SLC14A2: variants seen among roughly 807,000 people sequenced by gnomAD.
SLC14A2 encodes the protein solute carrier family 14 member 2, also known as urea transporter 2.
SLC14A2 carries 91 observed loss-of-function variants against 104.6 expected under a neutral mutation model. The ratio of observed to expected loss-of-function variants is 0.87; its 90% CI spans 0.73 to 1.04. The LOEUF is 1.04. SLC14A2 is among the 50% of genes least tolerant of loss of function. The probability of loss-of-function intolerance (pLI) is 0.00; values close to 1 mark genes in which losing one functional copy is unlikely to be tolerated. For synonymous variants in SLC14A2, 476 were observed against 466.4 expected, an observed-to-expected ratio of 1.02 and a Z score of -0.27; for missense variants, 1,189 against 1,156.0, an observed-to-expected ratio of 1.03 and a Z score of -0.41.
chr18:45,601,077 C>T (rs1025598696), intron 2 of SLC14A2, among the ~76,000 whole-genome samples: 1 of 152,180 alleles, frequency 6.6e-6, no homozygotes, highest in African/African-American at 2.4e-5. Context: ...TACCACTTCC[C>T]TAGGCTGTCC....
At chr18:45,225,327 C>G (rs1369502910) in intron 1 of SLC14A2, among the ~76,000 whole-genome samples, 2 of 152,014 alleles carry the variant, frequency 1.3e-5, no homozygotes, top group Non-Finnish European at 2.9e-5. Context: ...TTTCTGAGGG[C>G]TCTGTTCTGT....
intron 1 of SLC14A2, among the ~76,000 whole-genome samples, chr18:45,391,270 G>A (rs886451034): frequency 2.6e-5 from 4 of 152,266 alleles, no homozygotes; most frequent in African/African-American, 7.2e-5. Context: ...ATTTTTTATG[G>A]CTGCATAGTA....
At chr18:45,632,645 G>T (rs1296866524) in intron 5 of SLC14A2, among the ~76,000 whole-genome samples, 167 bp downstream of exon 5, 2 of 152,142 alleles carry the variant, frequency 1.3e-5, no homozygotes, top group African/African-American at 4.8e-5. Context: ...AACACAAGGG[G>T]GTCATTTGGA....
intron 5 of SLC14A2, among the ~76,000 whole-genome samples, chr18:45,636,074 A>G (rs749025785): frequency 2.0e-5 from 3 of 152,354 alleles, no homozygotes; most frequent in Non-Finnish European, 4.4e-5. Flanking sequence ...GACAGTAAAG[A>G]TTTGAGAAGA....
At chr18:45,201,328 A>T in the SLC14A2 span, among the ~76,000 whole-genome samples, 32 of 152,126 alleles carry the variant, frequency 2.1e-4, no homozygotes, top group African/African-American at 7.5e-4. Context: ...TATCTTCTTG[A>T]GGGCTGAGTA....
intron 1 of SLC14A2, among the ~76,000 whole-genome samples, chr18:45,395,848 C>T (rs1443053171): frequency 1.3e-5 from 2 of 152,116 alleles, no homozygotes; most frequent in South Asian, 4.1e-4. Flanking sequence ...TTTCTTTTCA[C>T]CCTAACTATT....
intron 2 of SLC14A2, among the ~76,000 whole-genome samples, chr18:45,511,522 C>T (rs565248938): frequency 7.2e-5 from 11 of 152,160 alleles, no homozygotes; most frequent in South Asian, 4.1e-4. Flanking sequence ...ACCCTTAGTA[C>T]ACACCTTACA....
intron 2 of SLC14A2, among the ~76,000 whole-genome samples, chr18:45,504,200 G>A (rs188511978): frequency 1.3e-3 from 196 of 152,218 alleles, no homozygotes; most frequent in Non-Finnish European, 1.9e-3. Context: ...TCTAGATTCC[G>A]GCAAACTTTC....
chr18:45,505,662 A>C (rs530335971), intron 2 of SLC14A2, among the ~76,000 whole-genome samples: 1 of 151,342 alleles, frequency 6.6e-6, no homozygotes, highest in Admixed American at 6.6e-5. Context: ...GGTCCCTTCC[A>C]GTAGTCCTCG....
intron 18 of SLC14A2, among the ~76,000 whole-genome samples, chr18:45,675,709 A>ATATATATTTT (rs57989993): frequency 3.8e-5 from 3 of 78,396 alleles, no homozygotes; most frequent in Admixed American, 1.7e-4. Context: ...ATATATATAT[A>ATATATATTTT]TTTTTTTTTT....
intron 1 of SLC14A2, among the ~76,000 whole-genome samples, chr18:45,462,058 C>G (rs2144642889): frequency 6.6e-6 from 1 of 152,254 alleles, no homozygotes; most frequent in Non-Finnish European, 1.5e-5. Context: ...CTCCAAGCAC[C>G]AGAAAACATC....
At chr18:45,610,911 G>A (rs868014557), upstream of SLC14A2, among the ~76,000 whole-genome samples, 2 of 152,176 alleles carry the variant, frequency 1.3e-5, no homozygotes, top group Admixed American at 6.5e-5. Flanking sequence ...GGGTCTTCTT[G>A]TACAGAAAAT....
chr18:45,404,117 G>A (rs1047937214), intron 1 of SLC14A2, among the ~76,000 whole-genome samples: 3 of 152,110 alleles, frequency 2.0e-5, no homozygotes, highest in African/African-American at 4.8e-5. Flanking sequence ...AATTTGAGAG[G>A]TTCTCCCACT....
At chr18:45,484,164 T>C (rs976421053) in intron 2 of SLC14A2, among the ~76,000 whole-genome samples, 1 of 152,230 alleles carries the variant, frequency 6.6e-6, no homozygotes, top group Non-Finnish European at 1.5e-5. Context: ...TTCTAGGGAC[T>C]CTGAGTTGTA....
chr18:45,505,769 C>G (rs1409607522), intron 2 of SLC14A2, among the ~76,000 whole-genome samples: 1 of 152,054 alleles, frequency 6.6e-6, no homozygotes, highest in East Asian at 1.9e-4. Context: ...TATTTTTGGC[C>G]AGGTTTGGTT....
intron 1 of SLC14A2, among the ~76,000 whole-genome samples, chr18:45,221,356 C>A (rs1314457537): frequency 6.6e-6 from 1 of 152,176 alleles, no homozygotes; most frequent in Non-Finnish European, 1.5e-5. Context: ...GCCCTCCTCC[C>A]AGTTTGTGTT....
At chr18:45,285,050 A>G (rs2084799834) in intron 1 of SLC14A2, among the ~76,000 whole-genome samples, 2 of 152,172 alleles carry the variant, frequency 1.3e-5, no homozygotes, top group Admixed American at 1.3e-4. Flanking sequence ...AAATTGCAAA[A>G]TTAGTATAGA....
At chr18:45,232,404 A>G (rs1407102294) in intron 1 of SLC14A2, among the ~76,000 whole-genome samples, 2 of 152,216 alleles carry the variant, frequency 1.3e-5, no homozygotes, top group Non-Finnish European at 2.9e-5. Context: ...TCCTCCCACC[A>G]GGTCCCGCCC....
At chr18:45,430,236 A>G (rs1274089839) in intron 1 of SLC14A2, among the ~76,000 whole-genome samples, 1 of 152,126 alleles carries the variant, frequency 6.6e-6, no homozygotes, top group Non-Finnish European at 1.5e-5. Flanking sequence ...CCCAAATCAC[A>G]TAGTTGGTTA....
Sources: gnomAD v4.1 joint callset for allele counts (sites outside exome capture counted in the v4.1 genomes callset) on GRCh38, gnomAD v4.1.1 for gene constraint, MANE v1.5 for transcripts, NCBI Gene and HGNC (gene_info 2026-07-23, HGNC 2026-07-21) for gene names.